The following EIPR1 variants were observed in gnomAD, a reference collection of about 807,000 sequenced individuals.
EIPR1 encodes EARP complex and GARP complex interacting protein 1.
EIPR1 carries 25 observed loss-of-function variants against 48.1 expected under a neutral mutation model. The ratio of observed to expected loss-of-function variants is 0.52; its 90% CI spans 0.38 to 0.73. The LOEUF (loss-of-function observed/expected upper bound fraction) is 0.73, where lower values mean the gene tolerates loss of function less well. Ranked by LOEUF, EIPR1 falls within the 30% of genes least tolerant of loss-of-function variation. The pLI is 0.00. For synonymous variants in EIPR1, 204 were observed against 201.9 expected, an observed-to-expected ratio of 1.01 and a Z score of -0.09; for missense variants, 415 against 506.2, an observed-to-expected ratio of 0.82 and a Z score of 1.73.
At chr2:3,362,391 C>T (rs1015528540) in intron 1 of EIPR1, among the ~76,000 whole-genome samples, 6 of 152,320 alleles carry the variant, frequency 3.9e-5, no homozygotes, top group African/African-American at 1.4e-4. Flanking sequence ...CATCCCCACC[C>T]TCCTCTCCCC....
intron 3 of EIPR1, among the ~76,000 whole-genome samples, chr2:3,306,865 C>T (rs1198708496): frequency 6.6e-6 from 1 of 152,130 alleles, no homozygotes; most frequent in Non-Finnish European, 1.5e-5. Context: ...GTCAACTGTA[C>T]TGTATAGTTA....
At chr2:3,254,331 G>A (rs532489918) in intron 4 of EIPR1, among the ~76,000 whole-genome samples, 1 of 152,292 alleles carries the variant, frequency 6.6e-6, no homozygotes, top group East Asian at 1.9e-4. Flanking sequence ...AACTAACTGA[G>A]CCGAGAGAAA....
chr2:3,224,202 G>A (rs369052083), intron 4 of EIPR1, among the ~76,000 whole-genome samples: 8 of 152,160 alleles, frequency 5.3e-5, no homozygotes, highest in South Asian at 4.1e-4. Flanking sequence ...TGTATTTGCC[G>A]TTTTCCATCA....
At chr2:3,372,803 A>G (rs986412061) in intron 1 of EIPR1, among the ~76,000 whole-genome samples, 4 of 152,232 alleles carry the variant, frequency 2.6e-5, no homozygotes, top group Admixed American at 6.5e-5. Flanking sequence ...CCAGAGGTAT[A>G]AGGAGGAACT....
intron 3 of EIPR1, among the ~76,000 whole-genome samples, chr2:3,267,107 C>G (rs1667513428): frequency 6.6e-6 from 1 of 152,238 alleles, no homozygotes; most frequent in Non-Finnish European, 1.5e-5. Context: ...GACCCGGAAG[C>G]TGTGGCCCAA....
chr2:3,321,152 G>A (rs1423382927), intron 3 of EIPR1, among the ~76,000 whole-genome samples: 1 of 152,170 alleles, frequency 6.6e-6, no homozygotes, highest in Non-Finnish European at 1.5e-5. Context: ...TGCTCCAAAC[G>A]ACAGCTCCCT....
chr2:3,218,934 TCA>T (rs1357230283), intron 4 of EIPR1, among the ~76,000 whole-genome samples: 1 of 149,978 alleles, frequency 6.7e-6, no homozygotes, highest in African/African-American at 2.5e-5. Context: ...TCTAGAGCAT[TCA>T]CAGTGAGTCA....
At chr2:3,243,135 A>G (rs2602758) in intron 4 of EIPR1, among the ~76,000 whole-genome samples, 146,830 of 152,320 alleles carry the variant, frequency 0.96, 70,995 homozygotes, top group East Asian at 1. Flanking sequence ...TGGGACAAAC[A>G]TATAGCTCCA....
intron 3 of EIPR1, among the ~76,000 whole-genome samples, chr2:3,294,845 TCC>T (rs1668492147): frequency 7.7e-6 from 1 of 130,062 alleles, no homozygotes; most frequent in African/African-American, 3.0e-5. Context: ...CCATCCTCTC[TCC>T]ACATACCCTC....
intron 3 of EIPR1, among the ~76,000 whole-genome samples, chr2:3,309,005 G>A (rs893370863): frequency 1.3e-5 from 2 of 152,006 alleles, no homozygotes; most frequent in African/African-American, 4.8e-5. Flanking sequence ...TTTTTCAAAC[G>A]GAAAGAAATT....
intron 1 of EIPR1, among the ~76,000 whole-genome samples, chr2:3,373,597 G>C (rs1333616744): frequency 3.9e-5 from 6 of 152,202 alleles, no homozygotes; most frequent in African/African-American, 1.4e-4. Flanking sequence ...GACAAACAGA[G>C]AGCCAAATCA....
intron 4 of EIPR1, among the ~76,000 whole-genome samples, chr2:3,236,799 A>C (rs563362256): frequency 1.8e-4 from 28 of 152,342 alleles, no homozygotes; most frequent in Admixed American, 1.0e-3. Flanking sequence ...CAAATTAAAA[A>C]GCTATAAATG....
chr2:3,250,459 C>T (rs748291921), intron 4 of EIPR1, among the ~76,000 whole-genome samples: 2 of 152,214 alleles, frequency 1.3e-5, no homozygotes, highest in Non-Finnish European at 2.9e-5. Flanking sequence ...TTTCATTTTA[C>T]AGCCCATACC....
Position 3,196,944 on chromosome 2 carries a change from T to G in EIPR1, c.590A>C (p.Asn197Thr). The G allele has an allele frequency of 6.2e-7, 1 of 1,613,946 alleles. No homozygotes were observed. Among genetic ancestry groups the G allele is most frequent in the Non-Finnish European group, 8.5e-7 (1 of 1,180,036 alleles). ...FTSGRWSPHH[N>T]CTQVATANDT... ...GTTCGCTGTGGCCACCTGGGTGCAGTTATGATGTGGGCTCCACCGTCCTGA... is the reference window on the plus strand; with the variant it reads ...GTTCGCTGTGGCCACCTGGGTGCAGGTATGATGTGGGCTCCACCGTCCTGA... Residue 197 changes from asparagine (N) to threonine (T), a missense_variant, in exon 6 of 9, where the codon AAC becomes ACC. By Grantham distance (65) the Asn-to-Thr change is moderately conservative. Coordinates refer to ENST00000382125, the MANE Select transcript of EIPR1 (RefSeq NM_003310.5).
rs545995932 is a variant in EIPR1 at position 3,362,819 on chromosome 2, C to T, written c.43-8186G>A. On this transcript the variant is annotated intron_variant, in intron 1 of 8. Coordinates refer to ENST00000382125, the MANE Select transcript of EIPR1 (RefSeq NM_003310.5). ...AGGCTGGGGGAGCCACAGCCCCGCA[C>T]GCCCCAGGGAGCAGTCCCTAGACCA... Among the ~76,000 whole-genome samples, 31 of 152,292 alleles carry T rather than the reference C, an allele frequency of 2.0e-4. No individual in the cohort carries two copies. The South Asian group carries it at 5.6e-3, about 27-fold the overall frequency.
intron 3 of EIPR1, among the ~76,000 whole-genome samples, chr2:3,288,574 GC>G (rs1339045294): frequency 1.3e-5 from 2 of 152,190 alleles, no homozygotes; most frequent in Non-Finnish European, 1.5e-5. Flanking sequence ...TGTCACTGTG[GC>G]CCTTACAGGG....
At chr2:3,252,860 T>C (rs957436530) in intron 4 of EIPR1, among the ~76,000 whole-genome samples, 3 of 152,130 alleles carry the variant, frequency 2.0e-5, no homozygotes, top group African/African-American at 7.2e-5. Context: ...CCTTAGCAAA[T>C]ATAGTAAGGG....
intron 4 of EIPR1, among the ~76,000 whole-genome samples, chr2:3,240,260 CTCTTCCTCAGGAACAGCCAGCAGAT>C: frequency 3.8e-5 from 1 of 26,060 alleles, no homozygotes; most frequent in East Asian, 1.2e-3. Flanking sequence ...AGCCAGCAGA[CTCTTCCTCAGGAACAGCCAGCAGAT>C]CCTTCCTCAA....
chr2:3,299,456 T>C (rs1668698443), intron 3 of EIPR1, among the ~76,000 whole-genome samples: 1 of 152,180 alleles, frequency 6.6e-6, no homozygotes, highest in Admixed American at 6.5e-5. Context: ...CGCGGCCTTG[T>C]TACGAATATC....
Sources: gnomAD v4.1 joint callset for allele counts (sites outside exome capture counted in the v4.1 genomes callset) on GRCh38, gnomAD v4.1.1 for gene constraint, MANE v1.5 for transcripts, NCBI Gene and HGNC (gene_info 2026-07-23, HGNC 2026-07-21) for gene names.